Variants in CCT7 observed in about 807,000 individuals in gnomAD.
CCT7 encodes the protein T-complex protein 1 subunit eta.
CCT7 carries 16 observed loss-of-function variants against 56.6 expected under a neutral mutation model. The observed-to-expected ratio is 0.28, with a 90% CI of 0.19 to 0.43. CCT7 has a LOEUF of 0.43. CCT7 is among the 20% of genes least tolerant of loss of function. The pLI is 1.00. For missense variants in CCT7, 519 were observed against 685.6 expected (o/e 0.76, Z 2.71); for synonymous variants, 262 against 254.8 (o/e 1.03, Z -0.27).
intron 1 of CCT7, among the ~76,000 whole-genome samples, chr2:73,237,888 A>G (rs1342822722): frequency 6.6e-6 from 1 of 152,144 alleles, no homozygotes; most frequent in Non-Finnish European, 1.5e-5. Context: ...CATTTTTTAA[A>G]TACAAATTTA....
intron 4 of CCT7, among the ~76,000 whole-genome samples, chr2:73,243,528 C>T (rs1687204593): frequency 6.6e-6 from 1 of 152,114 alleles, no homozygotes; most frequent in African/African-American, 2.4e-5. Context: ...TCTTTGCTAT[C>T]TCTAATTTGA....
chr2:73,244,379 G>T, intron 5 of CCT7, 165 bp from the exon 6 acceptor site: 1 of 623,648 alleles, frequency 1.6e-6, no homozygotes, highest in Non-Finnish European at 2.8e-6. Context: ...ATCTTTGACT[G>T]CAGTCACCAT....
At chr2:73,246,655 C>T (rs1292871419) in intron 6 of CCT7, among the ~76,000 whole-genome samples, 1 of 151,988 alleles carries the variant, frequency 6.6e-6, no homozygotes, top group Non-Finnish European at 1.5e-5. Flanking sequence ...GCCTACTTCC[C>T]CTCTCTCTTC....
In CCT7 at chr2:73,251,297, G is replaced by T. The variant is rs1166362847; in HGVS notation, c.1275G>T (p.Arg425Ser). The T allele has an allele frequency of 6.2e-7, 1 of 1,614,198 alleles. No homozygotes were observed. The highest frequency in any genetic ancestry group is 1.7e-5 in the Admixed American group (1 of 60,028). ...ELSKYLRDYS[R>S]TIPGKQQLLI... ...CCAAGTACCTGCGGGATTACTCAAG[G>T]ACTATTCCAGGAAAACAGCAGCTGT... Residue 425 changes from arginine (R) to serine (S), a missense_variant, in exon 11 of 12, where the codon AGG (arginine) becomes AGT (serine). Coordinates refer to ENST00000258091, the MANE Select transcript of CCT7 (RefSeq NM_006429.4).
chr2:73,240,499 G>A lies in CCT7; in HGVS notation c.223G>A (p.Ala75Thr), dbSNP rs1687059747. 4 of 1,611,584 alleles carry A rather than the reference G, an allele frequency of 2.5e-6. No homozygotes were observed. The highest frequency in any genetic ancestry group is 3.4e-6 in the Non-Finnish European group (4 of 1,178,590). Residue 75 changes from alanine (A) to threonine (T), a missense_variant, in exon 3 of 12, where the codon GCA (alanine) becomes ACA (threonine). Around this residue, in one of 3 missense-constraint regions of CCT7, gnomAD observed 276 missense variants for 357.3 expected, o/e 0.77. Coordinates refer to ENST00000258091, the MANE Select transcript of CCT7 (RefSeq NM_006429.4). ...ILKLLDVVHPAAKTLVDIAKS... is the reference protein window; with the variant it reads ...ILKLLDVVHPTAKTLVDIAKS... ...GAAACTTCTTGATGTTGTCCATCCT[G>A]CAGCAAAGACTTTGGTAGACATTGC...
At position 73,249,813 on chromosome 2, in the gene CCT7, C is replaced by G. The variant is rs754409299; in HGVS notation, c.973-6C>G. On this transcript the variant is annotated splice_polypyrimidine_tract_variant and splice_region_variant and intron_variant, in intron 8 of 11. Transcript: ENST00000258091. ...ACTGCTAGATCTTGCCTTCCTTGCT[C>G]CCTAGGCCTGTGGAGGCTCAATCCA... 1 of 1,606,174 alleles carries G rather than the reference C, an allele frequency of 6.2e-7. No homozygotes were observed. Among genetic ancestry groups the G allele is most frequent in the Non-Finnish European group, 8.5e-7 (1 of 1,172,800 alleles).
chr2:73,249,223 G>A, intron 8 of CCT7, 44 bp downstream of exon 8: 4 of 1,526,918 alleles, frequency 2.6e-6, no homozygotes, highest in Admixed American at 1.9e-5. Flanking sequence ...TTGTGGCCCT[G>A]AAGGGTTTTC....
At chr2:73,242,957 A>G in intron 3 of CCT7, 47 bp from the exon 4 acceptor site, 1 of 1,611,994 alleles carries the variant, frequency 6.2e-7, no homozygotes. Flanking sequence ...TCAGGGCTTT[A>G]TTCCCTGAAC....
At chr2:73,244,147 A>C (rs1687232125) in intron 5 of CCT7, 98 bp downstream of exon 5, 1 of 1,176,388 alleles carries the variant, frequency 8.5e-7, no homozygotes. Context: ...GTGATCTCCC[A>C]CCTGCGACTC....
intron 7 of CCT7, 29 bp downstream of exon 7, chr2:73,247,955 A>G (rs1687416343): frequency 6.2e-7 from 1 of 1,603,948 alleles, no homozygotes; most frequent in Admixed American, 1.7e-5. Context: ...TGGTGGGGGC[A>G]TGGAAATGGG....
At position 73,250,424 on chromosome 2, in the gene CCT7, A is replaced by C; in HGVS notation, c.1189A>C (p.Arg397=). The C allele has an allele frequency of 6.2e-7, 1 of 1,614,080 alleles. No individual in the cohort carries two copies. Among genetic ancestry groups the C allele is most frequent in the Middle Eastern group, 1.7e-4 (1 of 6,006 alleles). ...CCTGCATGATGCCATCATGATCGTC[A>C]GGAGGGCCATCAAGGTACTGGGCTG... is the stretch of plus-strand genomic sequence containing the variant. ...RSLHDAIMIV[R]RAIKNDSVVA... is the part of the protein sequence containing the mutation. The change falls in exon 10 of 12, where the codon AGG becomes CGG. Residue 397 remains arginine (R), a synonymous_variant. Coordinates refer to ENST00000258091, the MANE Select transcript of CCT7 (RefSeq NM_006429.4).
At chr2:73,236,411 G>C (rs1396291145) in intron 1 of CCT7, among the ~76,000 whole-genome samples, 2 of 151,464 alleles carry the variant, frequency 1.3e-5, no homozygotes, top group Admixed American at 1.3e-4. Context: ...GCACCATCTT[G>C]GCTCACTGCA....
At chr2:73,244,162 A>C (rs535954387) in intron 5 of CCT7, 113 bp downstream of exon 5, 1 of 1,071,526 alleles carries the variant, frequency 9.3e-7, no homozygotes, top group African/African-American at 1.6e-5. Context: ...CGACTCCCAA[A>C]GTGCTGGGAT....
rs532274493 is a variant in CCT7 at position 73,239,581 on chromosome 2, TC to T, written c.7-58del. ...GGAGAGATGGGAGCATTTTCCCCTT[TC>T]CCCTGCCAGTCTCATTATAATAGAT... is the stretch of plus-strand genomic sequence containing the variant. On this transcript the variant is annotated intron_variant, in intron 1 of 11. Transcript: ENST00000258091. 1.4e-3 allele frequency: 2,031 copies of T among 1,483,358 alleles called. 3 individuals carry two copies. The highest frequency in any genetic ancestry group is 7.0e-3 in the Middle Eastern group (35 of 5,034). The allele number at this position is 1,483,358 out of a possible 1,614,324, so 91.9% of individuals were successfully genotyped here.
Position 73,240,492 on chromosome 2 carries a change from C to G in CCT7, c.216C>G (p.Val72=). ...CAATTCTGAAACTTCTTGATGTTGT[C>G]CATCCTGCAGCAAAGACTTTGGTAG... ...GATILKLLDV[V]HPAAKTLVDI... Residue 72 remains valine, a synonymous_variant, in exon 3 of 12, where the codon GTC becomes GTG. Coordinates refer to ENST00000258091, the MANE Select transcript of CCT7 (RefSeq NM_006429.4). 6.2e-7 allele frequency: 1 copy of G among 1,611,724 alleles called. No homozygotes were observed. Among genetic ancestry groups the G allele is most frequent in the South Asian group, 1.1e-5 (1 of 90,756 alleles).
chr2:73,245,408 C>T (rs374260542), intron 6 of CCT7, among the ~76,000 whole-genome samples: 3 of 152,210 alleles, frequency 2.0e-5, no homozygotes, highest in African/African-American at 7.2e-5. Flanking sequence ...GGGACTGTTA[C>T]ATATCTGCGC....
intron 2 of CCT7, 190 bp downstream of exon 2, chr2:73,239,986 C>G (rs1053419459): frequency 3.7e-6 from 2 of 544,758 alleles, no homozygotes; most frequent in African/African-American, 3.8e-5. Context: ...ATGAGAGAAC[C>G]TAGGCTCAGG....
intron 8 of CCT7, 21 bp from the exon 9 acceptor site, chr2:73,249,798 C>A (rs1020581589): frequency 6.4e-7 from 1 of 1,572,910 alleles, no homozygotes; most frequent in Non-Finnish European, 8.8e-7. Flanking sequence ...ACTGCTAGAT[C>A]TTGCCTTCCT....
rs757644310 is a variant in CCT7 at position 73,251,442 on chromosome 2, TTC to T, written c.1410+15_1410+16del. On this transcript the variant is annotated intron_variant, in intron 11 of 11. Coordinates refer to ENST00000258091, the MANE Select transcript of CCT7 (RefSeq NM_006429.4). ...GGCTCGGCATGCCCAGGTGGGTCCT[TTC>T]TCTCCCCAGGGTTCAGGGTTTGGGC... The T allele has an allele frequency of 1.1e-5, 18 of 1,605,734 alleles. No individual in the cohort carries two copies. Among genetic ancestry groups the T allele is most frequent in the Non-Finnish European group, 1.5e-5 (18 of 1,174,376 alleles).
Sources: allele counts gnomAD v4.1 joint callset (sites outside exome capture counted in the v4.1 genomes callset), GRCh38; gene constraint gnomAD v4.1.1; regional missense constraint gnomAD v4.1.1; transcripts MANE v1.5; gene names NCBI Gene and HGNC (gene_info 2026-07-23, HGNC 2026-07-21).